The following ZEB1 variants were observed in gnomAD, a reference collection of about 807,000 sequenced individuals.
The protein encoded by ZEB1 is zinc finger E-box binding homeobox 1.
ZEB1 carries 21 observed loss-of-function variants against 84.9 expected under a neutral mutation model. The observed-to-expected ratio is 0.25, with a 90% CI of 0.18 to 0.36. The LOEUF is 0.36. Ranked by LOEUF, ZEB1 falls within the 10% of genes least tolerant of loss-of-function variation. The pLI is 1.00. For missense variants in ZEB1, 1,104 were observed against 1,330.2 expected, an observed-to-expected ratio of 0.83 and a Z score of 2.65; for synonymous variants, 420 against 471.1, an observed-to-expected ratio of 0.89 and a Z score of 1.41.
At chr10:31,377,482 C>A (rs1230127107) in intron 1 of ZEB1, among the ~76,000 whole-genome samples, 2 of 151,686 alleles carry the variant, frequency 1.3e-5, no homozygotes, top group Non-Finnish European at 3.0e-5. Context: ...CATGGCCATC[C>A]AATATTTCTT....
chr10:31,443,852 G>A (rs2059386221), intron 1 of ZEB1, among the ~76,000 whole-genome samples: 1 of 151,182 alleles, frequency 6.6e-6, no homozygotes, highest in Admixed American at 6.6e-5. Context: ...TTGCTATCGT[G>A]AATAGTGCCG....
chr10:31,398,004 T>C (rs2051136071), intron 1 of ZEB1, among the ~76,000 whole-genome samples: 1 of 152,200 alleles, frequency 6.6e-6, no homozygotes, highest in Non-Finnish European at 1.5e-5. Context: ...CAGCTAATAG[T>C]TTCGCTTTCT....
intron 1 of ZEB1, among the ~76,000 whole-genome samples, chr10:31,429,667 C>T (rs2057436220): frequency 1.3e-5 from 2 of 149,392 alleles, no homozygotes; most frequent in Admixed American, 6.6e-5. Flanking sequence ...GCACTTGTAC[C>T]CCTGAATTTA....
intron 1 of ZEB1, among the ~76,000 whole-genome samples, chr10:31,342,381 A>G (rs868509975): frequency 7.2e-5 from 11 of 152,276 alleles, no homozygotes; most frequent in Middle Eastern, 3.4e-3. Flanking sequence ...GATCTCTCTG[A>G]GGATAGTGGA....
At chr10:31,514,930 A>T in intron 6 of ZEB1, among the ~76,000 whole-genome samples, 1 of 152,188 alleles carries the variant, frequency 6.6e-6, no homozygotes, top group South Asian at 2.1e-4. Context: ...CAGATTTCCT[A>T]ATCAGAAGAT....
At chr10:31,502,103 T>C (rs1371986986) in intron 3 of ZEB1, among the ~76,000 whole-genome samples, 1 of 152,184 alleles carries the variant, frequency 6.6e-6, no homozygotes, top group Admixed American at 6.6e-5. Flanking sequence ...AAGTATGACT[T>C]TAACATTTGA....
At chr10:31,489,786 A>G (rs928612630) in intron 2 of ZEB1, among the ~76,000 whole-genome samples, 3 of 151,178 alleles carry the variant, frequency 2.0e-5, no homozygotes, top group African/African-American at 7.3e-5. Flanking sequence ...TATAGTTTTT[A>G]TATGTACTAC....
Position 31,407,900 on chromosome 10 carries a change from T to C in ZEB1, c.59-53137T>C, listed in dbSNP as rs1161235905. On this transcript the variant is annotated intron_variant, in intron 1 of 8. Coordinates refer to ENST00000424869, the MANE Select transcript of ZEB1 (RefSeq NM_001174096.2). ...TGTTGGAAGTTCTGGCCAGGGCAAT[T>C]AGGCAGGAGAAGGAAATAAAGGGTA... is the stretch of plus-strand genomic sequence containing the variant. Among the ~76,000 whole-genome samples the C allele has an allele frequency of 1.2e-4, 18 of 148,310 alleles. No individual in the cohort carries two copies. The East Asian group carries it at 2.4e-3, about 20-fold the overall frequency.
In ZEB1 at chr10:31,521,251, T is replaced by C. The variant is rs757471555; in HGVS notation, c.1919T>C (p.Val640Ala). 3.1e-6 allele frequency: 5 copies of C among 1,614,108 alleles called. No individual in the cohort carries two copies. The East Asian group carries it at 1.1e-4, about 36-fold the overall frequency. The change falls in exon 7 of 9, where the codon GTG becomes GCG. Residue 640 changes from valine (V) to alanine (A), a missense_variant. Physicochemically the swap from Val to Ala is moderately conservative, Grantham distance 64. Transcript: ENST00000424869. ...AAGATGCAAGCTGGACAGATTTCAG[T>C]GCAGTCTTCTGAACCATCTTCTCCT... ...FEKMQAGQIS[V>A]QSSEPSSPEP...
chr10:31,383,538 T>C (rs966065428), intron 1 of ZEB1, among the ~76,000 whole-genome samples: 2 of 152,178 alleles, frequency 1.3e-5, no homozygotes, highest in African/African-American at 2.4e-5. Flanking sequence ...AAATAGGTAA[T>C]TTTTTTAAAA....
chr10:31,344,198 A>G (rs2039892979), intron 1 of ZEB1, among the ~76,000 whole-genome samples: 1 of 152,072 alleles, frequency 6.6e-6, no homozygotes, highest in Non-Finnish European at 1.5e-5. Flanking sequence ...AAATTATATT[A>G]AGTAAATATA....
chr10:31,338,051 A>T (rs1386846167), intron 1 of ZEB1, among the ~76,000 whole-genome samples: 1 of 152,174 alleles, frequency 6.6e-6, no homozygotes, highest in Non-Finnish European at 1.5e-5. Flanking sequence ...TTAGGGGTAT[A>T]GGCATTTTTA....
At chr10:31,420,051 A>G (rs188746618) in intron 1 of ZEB1, among the ~76,000 whole-genome samples, 65 of 152,242 alleles carry the variant, frequency 4.3e-4, no homozygotes, top group African/African-American at 1.5e-3. Flanking sequence ...GTTCTAATGT[A>G]TACTACTAAA....
Position 31,523,965 on chromosome 10 carries a change from A to G in ZEB1, c.2637A>G (p.Val879=), listed in dbSNP as rs764749467. 1.6e-5 allele frequency: 26 copies of G among 1,613,882 alleles called. No homozygotes were observed. Among genetic ancestry groups the G allele is most frequent in the Middle Eastern group, 1.6e-4 (1 of 6,080 alleles). The change falls in exon 8 of 9, where the codon GTA becomes GTG. Residue 879 remains valine, a synonymous_variant. Transcript: ENST00000424869. ...DERQDTSSEG[V]SNVEDQNDSD... is the part of the protein sequence containing the mutation. Reference sequence around the variant, plus strand: ...GACAAGATACTAGCTCAGAAGGAGTATCAAATGTAGAGGATCAGAATGACT... The same window carrying G: ...GACAAGATACTAGCTCAGAAGGAGTGTCAAATGTAGAGGATCAGAATGACT...
chr10:31,503,497 A>G (rs777346779), intron 4 of ZEB1, among the ~76,000 whole-genome samples: 46 of 152,074 alleles, frequency 3.0e-4, no homozygotes, highest in Non-Finnish European at 6.0e-4. Flanking sequence ...GGTTGATTCC[A>G]TATCTTTGCT....
intron 1 of ZEB1, among the ~76,000 whole-genome samples, chr10:31,420,751 T>C (rs905402900): frequency 6.6e-6 from 1 of 152,026 alleles, no homozygotes; most frequent in African/African-American, 2.4e-5. Context: ...TCATTGGAGG[T>C]CAGTCATCTT....
rs1206207719 is a variant in ZEB1 at position 31,325,992 on chromosome 10, T to TA, written c.58+6701dup. Among the ~76,000 whole-genome samples the TA allele has an allele frequency of 1.4e-4, 21 of 148,508 alleles. 1 individual carries two copies. The South Asian group carries it at 4.2e-3, about 30-fold the overall frequency. Reference sequence around the variant, plus strand: ...GTTTTTTTTTTTTTTTTTAAGTAGATAGTGCTGAGTGTAACTAGTTTGCTG... The same window carrying TA: ...GTTTTTTTTTTTTTTTTTAAGTAGATAAGTGCTGAGTGTAACTAGTTTGCTG... On this transcript the variant is annotated intron_variant, in intron 1 of 8. Coordinates refer to ENST00000424869, the MANE Select transcript of ZEB1 (RefSeq NM_001174096.2).
At chr10:31,404,491 A>G (rs2052609196) in intron 1 of ZEB1, among the ~76,000 whole-genome samples, 1 of 152,158 alleles carries the variant, frequency 6.6e-6, no homozygotes, top group Non-Finnish European at 1.5e-5. Context: ...CTTCTACTTG[A>G]AGGAATTTGT....
intron 1 of ZEB1, among the ~76,000 whole-genome samples, chr10:31,348,075 T>C (rs2040635091): frequency 6.6e-6 from 1 of 152,198 alleles, no homozygotes; most frequent in Non-Finnish European, 1.5e-5. Flanking sequence ...ATAACTCAGG[T>C]GAATTTTAAC....
Sources: gnomAD v4.1 joint callset for allele counts (sites outside exome capture counted in the v4.1 genomes callset) on GRCh38, gnomAD v4.1.1 for gene constraint, MANE v1.5 for transcripts, NCBI Gene and HGNC (gene_info 2026-07-23, HGNC 2026-07-21) for gene names.